RELCH: variants seen among roughly 807,000 people sequenced by gnomAD.
RELCH encodes RAB11 binding and LisH domain, coiled-coil and HEAT repeat containing, also known as RAB11-binding protein RELCH.
Under a neutral mutation model 150.3 loss-of-function variants are expected in RELCH, and 41 were observed. The observed-to-expected ratio is 0.27, with a 90% CI of 0.21 to 0.35. The LOEUF is 0.35. RELCH is among the 10% of genes least tolerant of loss of function. The pLI is 1.00. For synonymous variants in RELCH, 478 were observed against 531.8 expected (o/e 0.90, Z 1.39); for missense variants, 1,092 against 1,467.8 (o/e 0.74, Z 4.18).
At chr18:62,206,605 T>G (rs1268460837) in intron 1 of RELCH, among the ~76,000 whole-genome samples, 2 of 152,252 alleles carry the variant, frequency 1.3e-5, no homozygotes, top group African/African-American at 4.8e-5. Context: ...ATGTATACTT[T>G]AAGTACTGTG....
chr18:62,286,189 ATGTT>A (rs972119483), intron 25 of RELCH, among the ~76,000 whole-genome samples: 6 of 152,206 alleles, frequency 3.9e-5, no homozygotes, highest in South Asian at 2.1e-4. Flanking sequence ...AAGTTTCTGA[ATGTT>A]TGGGCAGAAA....
At chr18:62,189,767 G>C (rs2038482409) in intron 1 of RELCH, among the ~76,000 whole-genome samples, 1 of 152,162 alleles carries the variant, frequency 6.6e-6, no homozygotes, top group Non-Finnish European at 1.5e-5. Flanking sequence ...TCATTAAATA[G>C]TTTAGCAGTG....
chr18:62,305,437 T>C lies in RELCH; in HGVS notation c.3554T>C (p.Leu1185Ser). 1.2e-5 allele frequency: 20 copies of C among 1,609,730 alleles called. No homozygotes were observed. Among genetic ancestry groups the C allele is most frequent in the Non-Finnish European group, 1.7e-5 (20 of 1,177,762 alleles). Residue 1185 changes from leucine (L) to serine (S), a missense_variant, in exon 29 of 29, where the codon TTA (leucine) becomes TCA (serine). Leu to Ser is a moderately radical substitution (Grantham distance 145, BLOSUM62 -2). Transcript: ENST00000644646. The surrounding 1 kb of genome is among the most constrained non-coding windows in gnomAD (Gnocchi z 4.0). ...AGCTCAATGTCAATTGCTGCAAGCT[T>C]AGTGAGTGAAGATACAAAGACCAAG... ...PQGSMSIAASLVSEDTKTKFL... is the reference protein window; with the variant it reads ...PQGSMSIAASSVSEDTKTKFL...
At chr18:62,298,428 A>G (rs1395520070) in intron 27 of RELCH, among the ~76,000 whole-genome samples, 1 of 152,202 alleles carries the variant, frequency 6.6e-6, no homozygotes, top group African/African-American at 2.4e-5. Flanking sequence ...AGAACAGGAC[A>G]GCTTTTACTG....
intron 12 of RELCH, 60 bp from the exon 13 acceptor site, chr18:62,255,347 C>T (rs1312012394): frequency 5.4e-6 from 6 of 1,111,824 alleles, no homozygotes; most frequent in Non-Finnish European, 6.8e-6. Context: ...ATGTAATTCT[C>T]TTTTGAAGGA....
chr18:62,198,546 A>G (rs563517708), intron 1 of RELCH, among the ~76,000 whole-genome samples: 2 of 152,334 alleles, frequency 1.3e-5, no homozygotes, highest in East Asian at 3.9e-4. Context: ...AGTATCGTTG[A>G]CATTTCTGTT....
chr18:62,269,007 A>C, intron 20 of RELCH, 59 bp downstream of exon 20: 1 of 800,698 alleles, frequency 1.2e-6, no homozygotes, highest in Non-Finnish European at 2.0e-6. Flanking sequence ...AATGCCTAGT[A>C]TTGTGTCTTC....
In RELCH at chr18:62,257,956, C is replaced by T. The variant is rs1475725073; in HGVS notation, c.1905C>T (p.Ile635=). ...GALAPYLPKE[I]RSSLVLSMLQ... is the part of the protein sequence containing the mutation. ...AACATGTTTATTTTCAGAAAGAAAT[C>T]CGTAGCTCCTTGGTTCTTTCAATGT... is the stretch of plus-strand genomic sequence containing the variant. The change falls in exon 14 of 29, where the codon ATC becomes ATT. Residue 635 remains isoleucine, a synonymous_variant. Transcript: ENST00000644646. The T allele has an allele frequency of 1.3e-6, 2 of 1,591,444 alleles. No homozygotes were observed. The highest frequency in any genetic ancestry group is 1.7e-6 in the Non-Finnish European group (2 of 1,170,520).
chr18:62,278,650 T>C (rs972128510), intron 22 of RELCH, among the ~76,000 whole-genome samples: 3 of 152,152 alleles, frequency 2.0e-5, no homozygotes, highest in African/African-American at 4.8e-5. Flanking sequence ...TTGGTGAGCA[T>C]TTAGGATTAA....
At chr18:62,189,468 A>C (rs1423465924) in intron 1 of RELCH, among the ~76,000 whole-genome samples, 1 of 151,912 alleles carries the variant, frequency 6.6e-6, no homozygotes, top group Non-Finnish European at 1.5e-5. Flanking sequence ...GTGATTGTTG[A>C]CAATACCATT....
chr18:62,267,852 T>C (rs2043672896), intron 19 of RELCH, among the ~76,000 whole-genome samples: 1 of 151,930 alleles, frequency 6.6e-6, no homozygotes, highest in South Asian at 2.1e-4. Context: ...TGTTTAGCTG[T>C]TGAAATAAAT....
At chr18:62,286,128 A>T (rs2044777991) in intron 25 of RELCH, among the ~76,000 whole-genome samples, 1 of 152,172 alleles carries the variant, frequency 6.6e-6, no homozygotes, top group Admixed American at 6.5e-5. Flanking sequence ...GAGACTCAGG[A>T]GAAGATGAAA....
intron 25 of RELCH, chr18:62,285,863 G>A (rs1208238724): frequency 6.6e-6 from 1 of 152,170 alleles, no homozygotes; most frequent in Non-Finnish European, 1.5e-5. Flanking sequence ...CTACATCTGA[G>A]GGGTTAACTG....
intron 1 of RELCH, among the ~76,000 whole-genome samples, chr18:62,198,466 G>C (rs1193989599): frequency 6.6e-6 from 1 of 152,170 alleles, no homozygotes; most frequent in African/African-American, 2.4e-5. Flanking sequence ...ATCCTCAGCC[G>C]TCAGAAATAG....
At chr18:62,197,408 A>C (rs1197094221) in intron 1 of RELCH, among the ~76,000 whole-genome samples, 1 of 152,206 alleles carries the variant, frequency 6.6e-6, no homozygotes, top group African/African-American at 2.4e-5. Context: ...TCAAAAATTA[A>C]ATTGAGTGAA....
chr18:62,229,622 G>C (rs1261410130), intron 8 of RELCH, among the ~76,000 whole-genome samples: 1 of 151,744 alleles, frequency 6.6e-6, no homozygotes, highest in Non-Finnish European at 1.5e-5. Flanking sequence ...ATAACACTAA[G>C]GTATGAAAAG....
At chr18:62,201,587 A>G (rs2039448366) in intron 1 of RELCH, among the ~76,000 whole-genome samples, 1 of 152,222 alleles carries the variant, frequency 6.6e-6, no homozygotes, top group Non-Finnish European at 1.5e-5. Context: ...GTAAAAACAA[A>G]AAGCTCAAAT....
In RELCH at chr18:62,308,340, T is replaced by C. The variant is rs2980984; in HGVS notation, c.*2806T>C. 0.72 allele frequency: 110,041 copies of C among 152,106 alleles called. 40,128 individuals carry two copies. Among genetic ancestry groups the C allele is most frequent in the East Asian group, 0.9 (4,640 of 5,178 alleles). 9.4% of individuals were successfully genotyped at this position (152,106 alleles called of 1,614,324 possible). The stretch of plus-strand genomic sequence containing the variant: ...CAGCTAACATTCTGTGCTGGTTATA[T>C]TTTCTTAACTATTCTTTGTGTAAAG... On this transcript the variant is annotated 3_prime_UTR_variant, in exon 29 of 29. Coordinates refer to ENST00000644646, the MANE Select transcript of RELCH (RefSeq NM_001346231.2).
intron 11 of RELCH, among the ~76,000 whole-genome samples, chr18:62,252,404 A>G (rs372398847): frequency 1.3e-5 from 2 of 152,064 alleles, no homozygotes; most frequent in African/African-American, 4.8e-5. Flanking sequence ...TTATAGTCCC[A>G]GCTACTCGAG....
Sources: gnomAD v4.1 joint callset for allele counts (sites outside exome capture counted in the v4.1 genomes callset) on GRCh38, gnomAD v4.1.1 for gene constraint, Gnocchi (gnomAD v3.1) non-coding constraint, MANE v1.5 for transcripts, NCBI Gene and HGNC (gene_info 2026-07-23, HGNC 2026-07-21) for gene names.